The following KHDRBS2 variants were observed in gnomAD, a reference collection of about 807,000 sequenced individuals.
KHDRBS2 encodes the protein KH RNA binding domain containing, signal transduction associated 2.
A neutral mutation model predicts 44.3 loss-of-function variants in KHDRBS2; 26 were observed. That is an observed-to-expected ratio of 0.59 (90% CI 0.43 to 0.81). The LOEUF (loss-of-function observed/expected upper bound fraction) is 0.81, where lower values mean the gene tolerates loss of function less well. Among genes scored for constraint, KHDRBS2 ranks in the 40% least tolerant of loss-of-function variants. The pLI, the probability that KHDRBS2 is intolerant of heterozygous loss-of-function variation, is 0.00. For missense variants in KHDRBS2, 476 were observed against 433.1 expected (o/e 1.10, Z -0.88); for synonymous variants, 194 against 151.1 (o/e 1.28, Z -2.08).
chr6:61,931,627 C>T (rs1810070184), intron 4 of KHDRBS2, among the ~76,000 whole-genome samples: 2 of 151,990 alleles, frequency 1.3e-5, no homozygotes, highest in Admixed American at 1.3e-4. Context: ...TGCAAACTAG[C>T]CAATTTTTAA....
the KHDRBS2 span, among the ~76,000 whole-genome samples, chr6:61,605,218 A>C: frequency 6.6e-6 from 1 of 152,066 alleles, no homozygotes; most frequent in Non-Finnish European, 1.5e-5. Context: ...CACCAGACCA[A>C]CTTGGACTGC....
chr6:62,188,445 C>A (rs1370448878), intron 1 of KHDRBS2, among the ~76,000 whole-genome samples: 1 of 152,064 alleles, frequency 6.6e-6, no homozygotes, highest in Non-Finnish European at 1.5e-5. Context: ...CCTCCAGGTC[C>A]ATCCATGTTG....
intron 3 of KHDRBS2, among the ~76,000 whole-genome samples, chr6:61,982,214 A>AATAT (rs34900603): frequency 0.054 from 8,053 of 149,756 alleles, 527 homozygotes; most frequent in African/African-American, 0.16. Context: ...AGTCACTGCA[A>AATAT]ATATATATAT....
chr6:62,040,850 G>A (rs1242908624), intron 3 of KHDRBS2, among the ~76,000 whole-genome samples: 1 of 152,060 alleles, frequency 6.6e-6, no homozygotes, highest in African/African-American at 2.4e-5. Context: ...TTGGTTACAA[G>A]CAAGTCACTG....
At chr6:62,234,605 G>A (rs1833411541) in intron 1 of KHDRBS2, among the ~76,000 whole-genome samples, 2 of 152,028 alleles carry the variant, frequency 1.3e-5, no homozygotes, top group South Asian at 2.1e-4. Flanking sequence ...AGTTTGAAAA[G>A]TTTCTAACTC....
intron 2 of KHDRBS2, among the ~76,000 whole-genome samples, chr6:62,086,148 C>T (rs208973): frequency 0.8 from 121,308 of 152,068 alleles, 49,019 homozygotes; most frequent in African/African-American, 0.93. Flanking sequence ...TTTTCAGTGA[C>T]GCTTGATAGA....
At chr6:62,155,337 G>C (rs1816119018) in intron 2 of KHDRBS2, among the ~76,000 whole-genome samples, 1 of 152,222 alleles carries the variant, frequency 6.6e-6, no homozygotes, top group African/African-American at 2.4e-5. Context: ...TGAATGTGTT[G>C]AGTTTGAGCC....
intron 2 of KHDRBS2, among the ~76,000 whole-genome samples, chr6:62,062,025 C>T (rs1360563286): frequency 2.0e-5 from 3 of 151,756 alleles, no homozygotes; most frequent in African/African-American, 4.8e-5. Context: ...TCAGCTCCAT[C>T]AAAGAAGGCC....
At position 62,073,540 on chromosome 6, in the gene KHDRBS2, T is replaced by C. The variant is rs1006391977; in HGVS notation, c.220-25546A>G. 3.7e-3 allele frequency among the ~76,000 whole-genome samples: 559 copies of C among 149,552 alleles called. 3 individuals are homozygous for C. The highest frequency in any genetic ancestry group is 0.013 in the African/African-American group (541 of 40,996). ...ATTTTTTTCTTTTTTCTTTTTTTTT[T>C]TTTTTGTTTTATTTTCTATTTCCCT... On this transcript the variant is annotated intron_variant, in intron 2 of 8. Transcript: ENST00000281156.
rs577042113 is a variant in KHDRBS2 at position 61,904,081 on chromosome 6, G to A, written c.484-2710C>T. Reference sequence around the variant, plus strand: ...GAGGGGACCAGTCAGCATGGTACATGAGAGATATATTTCAGGAGCGTACTT... The same window carrying A: ...GAGGGGACCAGTCAGCATGGTACATAAGAGATATATTTCAGGAGCGTACTT... On this transcript the variant is annotated intron_variant, in intron 4 of 8. Coordinates refer to ENST00000281156, the MANE Select transcript of KHDRBS2 (RefSeq NM_152688.4). Among the ~76,000 whole-genome samples, 7 of 152,276 alleles carry A rather than the reference G, an allele frequency of 4.6e-5. No homozygotes were observed. In the South Asian group the frequency reaches 1.5e-3, roughly 32 times the overall value.
intron 6 of KHDRBS2, among the ~76,000 whole-genome samples, chr6:61,798,777 C>T (rs1283492462): frequency 1.3e-5 from 2 of 151,904 alleles, no homozygotes; most frequent in Non-Finnish European, 2.9e-5. Flanking sequence ...CAAAAGTAGT[C>T]TTCCTTTTTA....
chr6:61,548,993 C>A, the KHDRBS2 span, among the ~76,000 whole-genome samples: 1 of 151,992 alleles, frequency 6.6e-6, no homozygotes, highest in East Asian at 1.9e-4. Context: ...AAAAGTCCCC[C>A]AGAGTGGGTT....
the KHDRBS2 span, among the ~76,000 whole-genome samples, chr6:61,545,499 C>T: frequency 1.4e-5 from 1 of 71,676 alleles, no homozygotes; most frequent in South Asian, 4.2e-4. Context: ...TTTAGCTAAT[C>T]TCTGTGTGTG....
intron 1 of KHDRBS2, among the ~76,000 whole-genome samples, chr6:62,190,388 T>A (rs1824331700): frequency 6.6e-6 from 1 of 152,124 alleles, no homozygotes; most frequent in Non-Finnish European, 1.5e-5. Context: ...TCAGTAGGGT[T>A]ACCCTGGTTC....
intron 1 of KHDRBS2, among the ~76,000 whole-genome samples, chr6:62,220,668 G>A (rs1477138658): frequency 6.6e-6 from 1 of 151,170 alleles, no homozygotes; most frequent in East Asian, 1.9e-4. Flanking sequence ...TAATTTCTAG[G>A]GCAATGAATG....
intron 2 of KHDRBS2, among the ~76,000 whole-genome samples, chr6:62,111,375 C>G (rs145463463): frequency 1.8e-4 from 28 of 152,154 alleles, no homozygotes; most frequent in African/African-American, 6.3e-4. Flanking sequence ...ATTCACTCAA[C>G]AAGTATTTTT....
intron 2 of KHDRBS2, among the ~76,000 whole-genome samples, chr6:62,117,114 G>A (rs1806437877): frequency 6.6e-6 from 1 of 152,068 alleles, no homozygotes; most frequent in Non-Finnish European, 1.5e-5. Context: ...TATATACTCA[G>A]TGGTGAGATT....
chr6:62,059,198 G>GTTT (rs398001756), intron 2 of KHDRBS2, among the ~76,000 whole-genome samples: 424 of 24,834 alleles, frequency 0.017, 163 homozygotes, highest in Admixed American at 0.029. Context: ...AAGTTAGGAA[G>GTTT]TTTTTTTTTT....
intron 6 of KHDRBS2, among the ~76,000 whole-genome samples, chr6:61,887,183 A>C (rs1801083426): frequency 6.6e-6 from 1 of 152,192 alleles, no homozygotes; most frequent in Admixed American, 6.5e-5. Context: ...AAAATAGTAA[A>C]ATCTAAAACT....
Sources: allele counts gnomAD v4.1 joint callset (sites outside exome capture counted in the v4.1 genomes callset), GRCh38; gene constraint gnomAD v4.1.1; transcripts MANE v1.5; gene names NCBI Gene and HGNC (gene_info 2026-07-23, HGNC 2026-07-21).